The following CDK13 variants were observed in gnomAD, a reference collection of about 807,000 sequenced individuals.
The protein encoded by CDK13 is cyclin-dependent kinase 13.
Under a neutral mutation model 137.6 loss-of-function variants are expected in CDK13, and 40 were observed. The observed-to-expected ratio is 0.29, with a 90% CI of 0.23 to 0.38. CDK13 has a LOEUF of 0.38. Ranked by LOEUF, CDK13 falls within the 10% of genes least tolerant of loss-of-function variation. The pLI is 1.00. For synonymous variants in CDK13, 869 were observed against 760.1 expected (o/e 1.14, Z -2.36); for missense variants, 1,704 against 1,951.8 (o/e 0.87, Z 2.39).
intron 1 of CDK13, among the ~76,000 whole-genome samples, chr7:39,961,914 G>A (rs1783750757): frequency 6.6e-6 from 1 of 151,986 alleles, no homozygotes; most frequent in Non-Finnish European, 1.5e-5. Flanking sequence ...GCAATAGTTT[G>A]CTGAGAATGA....
intron 1 of CDK13, among the ~76,000 whole-genome samples, chr7:39,953,484 C>T (rs1242816624): frequency 1.3e-5 from 2 of 152,142 alleles, no homozygotes; most frequent in Non-Finnish European, 2.9e-5. Context: ...CTGGATACTT[C>T]AGCGAGATCC....
At chr7:39,968,972 G>A (rs1783935685) in intron 1 of CDK13, among the ~76,000 whole-genome samples, 1 of 152,060 alleles carries the variant, frequency 6.6e-6, no homozygotes. Flanking sequence ...AGTCTGGCTT[G>A]CTCATTCTTT....
At chr7:40,013,864 C>T (rs368301952) in intron 5 of CDK13, among the ~76,000 whole-genome samples, 30 of 151,922 alleles carry the variant, frequency 2.0e-4, no homozygotes, top group Admixed American at 1.6e-3. Flanking sequence ...GAGGGATAGA[C>T]GGGTGAGGGG....
intron 5 of CDK13, among the ~76,000 whole-genome samples, chr7:40,021,400 G>A (rs1468944385): frequency 6.6e-6 from 1 of 151,974 alleles, no homozygotes; most frequent in African/African-American, 2.4e-5. Context: ...GGAGGCTGAG[G>A]CAGGAGAATC....
intron 9 of CDK13, among the ~76,000 whole-genome samples, chr7:40,065,350 C>A (rs893505953): frequency 6.6e-6 from 1 of 151,896 alleles, no homozygotes; most frequent in Admixed American, 6.6e-5. Flanking sequence ...AAAGAGAAAT[C>A]AAACTTTAAG....
chr7:39,962,049 G>A (rs1436381294), intron 1 of CDK13, among the ~76,000 whole-genome samples: 1 of 152,148 alleles, frequency 6.6e-6, no homozygotes, highest in African/African-American at 2.4e-5. Context: ...TTGGACATTT[G>A]GGTTGGTTCC....
At chr7:40,029,659 T>TC (rs1202909216) in intron 5 of CDK13, among the ~76,000 whole-genome samples, 1 of 152,066 alleles carries the variant, frequency 6.6e-6, no homozygotes, top group Non-Finnish European at 1.5e-5. Context: ...TCTTTTTTTT[T>TC]TTCTTTTTTT....
chr7:39,992,559 C>T lies in CDK13; in HGVS notation c.1871+4301C>T, dbSNP rs1014310740. On this transcript the variant is annotated intron_variant, in intron 2 of 13. Transcript: ENST00000181839. ...GTCATCTCCCAAGAATAAGGTCAGT[C>T]TCCTGCTTGATCACAGTATCATTGT... 3.3e-5 allele frequency among the ~76,000 whole-genome samples: 5 copies of T among 151,854 alleles called. No individual in the cohort carries two copies. In the East Asian group the frequency reaches 7.9e-4, roughly 24 times the overall value.
chr7:40,092,037 A>G (rs1027397646), intron 12 of CDK13, among the ~76,000 whole-genome samples: 9 of 152,276 alleles, frequency 5.9e-5, no homozygotes, highest in African/African-American at 2.2e-4. Context: ...ACTGGTGATG[A>G]GTTAATACTA....
chr7:39,999,542 G>C (rs770546900), intron 4 of CDK13, 42 bp downstream of exon 4: 1 of 1,527,290 alleles, frequency 6.5e-7, no homozygotes, highest in South Asian at 1.3e-5. Context: ...CCTACGGAAT[G>C]TACTTAGTTT....
At chr7:40,080,457 T>C (rs1381531055) in intron 11 of CDK13, among the ~76,000 whole-genome samples, 1 of 152,196 alleles carries the variant, frequency 6.6e-6, no homozygotes, top group Admixed American at 6.5e-5. Flanking sequence ...GTGCTTATTA[T>C]ATTTCTATGA....
rs572572201 is a variant in CDK13 at position 39,951,066 on chromosome 7, C to T, written c.425C>T (p.Pro142Leu). The T allele has an allele frequency of 3.1e-6, 4 of 1,274,072 alleles. No homozygotes were observed. The highest frequency in any genetic ancestry group is 1.5e-5 in the African/African-American group (1 of 64,714). 78.9% of individuals were successfully genotyped at this position (1,274,072 alleles called of 1,614,324 possible). A position where few individuals can be genotyped will look rare whatever the true frequency, so the allele number is the denominator to read the frequency against. The stretch of plus-strand genomic sequence containing the variant: ...GCTAGTAGCGGCGGGGGTGTGACCC[C>T]GCTGGTGGAATACGAGGATGTGAGC... ...GGASSGGGVT[P>L]LVEYEDVSSQ... is the part of the protein sequence containing the mutation. The change falls in exon 1 of 14, where the codon CCG (proline) becomes CTG (leucine). Residue 142 changes from proline to leucine, a missense_variant. Pro to Leu is a moderately conservative substitution (Grantham distance 98, BLOSUM62 -3). Around this residue, in one of 5 missense-constraint regions of CDK13, gnomAD observed 1,051 missense variants for 931.0 expected, o/e 1.13. Transcript: ENST00000181839.
intron 1 of CDK13, chr7:39,986,316 C>G (rs1480558226): frequency 6.6e-6 from 1 of 152,158 alleles, no homozygotes; most frequent in Admixed American, 6.5e-5. Flanking sequence ...CTTCCTTTCA[C>G]TTGGTACTGT....
chr7:39,964,026 A>G (rs1463798479), intron 1 of CDK13, among the ~76,000 whole-genome samples: 1 of 152,164 alleles, frequency 6.6e-6, no homozygotes, highest in Non-Finnish European at 1.5e-5. Flanking sequence ...GTTTGCCAGT[A>G]TTTTATTGAG....
At chr7:40,053,286 C>A (rs141511170) in intron 7 of CDK13, among the ~76,000 whole-genome samples, 98 of 152,248 alleles carry the variant, frequency 6.4e-4, no homozygotes, top group Non-Finnish European at 1.1e-3. Context: ...CTAAATTAAA[C>A]CTTGTTACAA....
At chr7:40,023,737 G>A (rs961399529) in intron 5 of CDK13, among the ~76,000 whole-genome samples, 10 of 151,836 alleles carry the variant, frequency 6.6e-5, no homozygotes, top group Non-Finnish European at 8.8e-5. Flanking sequence ...CGCCCGCCTC[G>A]GCCTCCCAAA....
intron 1 of CDK13, among the ~76,000 whole-genome samples, chr7:39,983,594 A>G (rs924756062): frequency 2.0e-5 from 3 of 152,148 alleles, no homozygotes; most frequent in Non-Finnish European, 4.4e-5. Flanking sequence ...AATTAAATAT[A>G]GTTTATGTGT....
At chr7:40,037,465 T>G (rs944544948) in intron 5 of CDK13, among the ~76,000 whole-genome samples, 1 of 152,192 alleles carries the variant, frequency 6.6e-6, no homozygotes, top group Admixed American at 6.5e-5. Context: ...ACAGCCTTGG[T>G]GGCTGGCTTC....
intron 1 of CDK13, among the ~76,000 whole-genome samples, chr7:39,957,567 G>A (rs546402380): frequency 4.6e-5 from 7 of 152,330 alleles, no homozygotes; most frequent in African/African-American, 1.4e-4. Flanking sequence ...TCATACTCTA[G>A]GATAGGGCAG....
Sources: allele counts gnomAD v4.1 joint callset (sites outside exome capture counted in the v4.1 genomes callset), GRCh38; gene constraint gnomAD v4.1.1; regional missense constraint gnomAD v4.1.1; transcripts MANE v1.5; gene names NCBI Gene and HGNC (gene_info 2026-07-23, HGNC 2026-07-21).